TRPA1: variants seen among roughly 807,000 people sequenced by gnomAD.
TRPA1 encodes the protein transient receptor potential cation channel subfamily A member 1, also known as ankyrin-like with transmembrane domains 1.
A neutral mutation model predicts 131.3 loss-of-function variants in TRPA1; 129 were observed. The observed-to-expected ratio is 0.98, with a 90% CI of 0.85 to 1.14. The LOEUF (loss-of-function observed/expected upper bound fraction) is 1.14. Ranked by LOEUF, TRPA1 falls within the 50% of genes most tolerant of loss-of-function variation. The pLI, the probability that TRPA1 is intolerant of heterozygous loss-of-function variation, is 0.00. For synonymous variants in TRPA1, 441 were observed against 451.7 expected, an observed-to-expected ratio of 0.98 and a Z score of 0.30; for missense variants, 1,304 against 1,354.2, an observed-to-expected ratio of 0.96 and a Z score of 0.58.
rs993165516 is a variant in TRPA1, at chr8:72,075,569, C to G, written c.-160G>C. On this transcript the variant is annotated 5_prime_UTR_variant, in exon 1 of 27. Coordinates refer to ENST00000262209, the MANE Select transcript of TRPA1 (RefSeq NM_007332.3). ...AGCGAAAAAGTCGCTCTGCGGAAGCCCTGGAGAACTTCTGGAAGGAGTTCT... is the reference window on the plus strand; with the variant it reads ...AGCGAAAAAGTCGCTCTGCGGAAGCGCTGGAGAACTTCTGGAAGGAGTTCT... The G allele has an allele frequency of 9.1e-6, 6 of 660,482 alleles. No homozygotes were observed. Among genetic ancestry groups the G allele is most frequent in the Admixed American group, 4.7e-5 (2 of 42,152 alleles). 40.9% of individuals were successfully genotyped at this position (660,482 alleles called of 1,614,324 possible). A position where few individuals can be genotyped will look rare whatever the true frequency, so the allele number is the denominator to read the frequency against.
chr8:72,068,468 T>C (rs1805980960), intron 3 of TRPA1, among the ~76,000 whole-genome samples: 1 of 142,942 alleles, frequency 7.0e-6, no homozygotes, highest in South Asian at 2.3e-4. Flanking sequence ...GGTATCCTTA[T>C]GTCTTCTGCT....
chr8:72,038,644 A>C, intron 19 of TRPA1: 1 of 496,738 alleles, frequency 2.0e-6, no homozygotes, highest in Non-Finnish European at 3.6e-6. Flanking sequence ...ACACATGTCA[A>C]TTCTTTTTAA....
chr8:72,071,641 C>T, intron 2 of TRPA1, 70 bp downstream of exon 2: 1 of 1,555,774 alleles, frequency 6.4e-7, no homozygotes, highest in Non-Finnish European at 8.8e-7. Context: ...AAAATCACTT[C>T]CTTCCATTCT....
chr8:72,039,375 C>T (rs1812168725), intron 18 of TRPA1, among the ~76,000 whole-genome samples: 1 of 151,882 alleles, frequency 6.6e-6, no homozygotes, highest in Non-Finnish European at 1.5e-5. Context: ...CCTTTCCATG[C>T]CCCCAAATAT....
chr8:72,054,160 T>A, intron 12 of TRPA1: 1 of 401,756 alleles, frequency 2.5e-6, no homozygotes, highest in African/African-American at 2.0e-5. Context: ...GCTTAGCATG[T>A]CTGTGTCATA....
chr8:72,067,026 G>A (rs2009826), intron 3 of TRPA1, among the ~76,000 whole-genome samples: 104,397 of 152,022 alleles, frequency 0.69, 36,817 homozygotes, highest in East Asian at 0.98. Context: ...ACCACCCCCT[G>A]ATCCCCAGGC....
chr8:72,068,818 G>A (rs1418835361), intron 3 of TRPA1, among the ~76,000 whole-genome samples: 9 of 152,060 alleles, frequency 5.9e-5, no homozygotes, highest in East Asian at 3.9e-4. Flanking sequence ...GAAAATGCCC[G>A]GTAAATAAGA....
chr8:72,046,632 A>T (rs181920534), intron 16 of TRPA1, 24 bp from the exon 17 acceptor site: 13,923 of 1,297,768 alleles, frequency 0.011, 104 homozygotes, highest in Non-Finnish European at 0.013. Flanking sequence ...AATTTTTTTT[A>T]AAAAAATGTA....
At chr8:72,068,647 T>G (rs1805985381) in intron 3 of TRPA1, among the ~76,000 whole-genome samples, 1 of 152,188 alleles carries the variant, frequency 6.6e-6, no homozygotes, top group Non-Finnish European at 1.5e-5. Flanking sequence ...CAAAATTCCT[T>G]AGTCTTGCAT....
At chr8:72,031,999 C>G (rs1331192542) in intron 23 of TRPA1, among the ~76,000 whole-genome samples, 1 of 152,144 alleles carries the variant, frequency 6.6e-6, no homozygotes, top group Admixed American at 6.5e-5. Flanking sequence ...AATCTTAGAG[C>G]TAACCCATGG....
intron 25 of TRPA1, among the ~76,000 whole-genome samples, chr8:72,024,784 T>G (rs1316225777): frequency 6.6e-6 from 1 of 152,140 alleles, no homozygotes; most frequent in Non-Finnish European, 1.5e-5. Flanking sequence ...AGAAATCAGT[T>G]GCTGAGCATT....
In TRPA1 at chr8:72,036,307, A is replaced by C; in HGVS notation, c.2536T>G (p.Phe846Val). Residue 846 changes from phenylalanine (F) to valine (V), a missense_variant, in exon 21 of 27, where the codon TTC becomes GTC. By Grantham distance (50) the Phe-to-Val change is conservative. Coordinates refer to ENST00000262209, the MANE Select transcript of TRPA1 (RefSeq NM_007332.3). Reference sequence around the variant, plus strand: ...TTTTACCTTTGAAGATACAATAAGAAATTCATCCAATAGAAGTAAACAGCA... The same window carrying C: ...TTTTACCTTTGAAGATACAATAAGACATTCATCCAATAGAAGTAAACAGCA... ...AIAVYFYWMN[F>V]LLYLQRFENC... 6.2e-7 allele frequency: 1 copy of C among 1,614,146 alleles called. No homozygotes were observed. Among genetic ancestry groups the C allele is most frequent in the Non-Finnish European group, 8.5e-7 (1 of 1,180,000 alleles).
chr8:72,073,459 A>T (rs1265511402), intron 1 of TRPA1, among the ~76,000 whole-genome samples: 2 of 152,226 alleles, frequency 1.3e-5, no homozygotes, highest in Non-Finnish European at 2.9e-5. Context: ...ATTAGGAAAC[A>T]ACCAAAAACC....
At chr8:72,040,906 CT>C (rs1328597122) in intron 17 of TRPA1, among the ~76,000 whole-genome samples, 6 of 152,054 alleles carry the variant, frequency 3.9e-5, no homozygotes, top group African/African-American at 1.4e-4. Flanking sequence ...TGGTTAATCT[CT>C]CCTATTAAAA....
chr8:72,073,013 T>C (rs1380528898), intron 1 of TRPA1, among the ~76,000 whole-genome samples: 2 of 152,236 alleles, frequency 1.3e-5, no homozygotes, highest in Non-Finnish European at 2.9e-5. Context: ...GGATGTCATT[T>C]AGACAAAATA....
chr8:72,059,987 T>C (rs925929153), intron 7 of TRPA1, among the ~76,000 whole-genome samples: 1 of 152,144 alleles, frequency 6.6e-6, no homozygotes, highest in African/African-American at 2.4e-5. Context: ...CCATAACAAA[T>C]GTTAATACTA....
the TRPA1 span, among the ~76,000 whole-genome samples, chr8:72,082,232 A>G: frequency 6.6e-6 from 1 of 151,958 alleles, no homozygotes; most frequent in Non-Finnish European, 1.5e-5. Flanking sequence ...AACTATGGCA[A>G]TGTTCCTCCA....
chr8:72,026,244 G>T (rs757895577), intron 24 of TRPA1, among the ~76,000 whole-genome samples, 171 bp from the exon 25 acceptor site: 20 of 152,218 alleles, frequency 1.3e-4, no homozygotes, highest in Non-Finnish European at 2.5e-4. Flanking sequence ...ACAGTCACCT[G>T]CCCCTTCCTC....
In TRPA1 at chr8:72,054,038, A is replaced by G. The variant is rs1487806579; in HGVS notation, c.1530-171T>C. The G allele has an allele frequency of 1.1e-5, 7 of 617,024 alleles. No individual in the cohort carries two copies. The Admixed American group carries it at 1.3e-4, about 11-fold the overall frequency. The allele number at this position is 617,024 out of a possible 1,614,324, so 38.2% of individuals were successfully genotyped here. A position where few individuals can be genotyped will look rare whatever the true frequency, so the allele number is the denominator to read the frequency against. On this transcript the variant is annotated intron_variant, in intron 12 of 26. Transcript: ENST00000262209. The stretch of plus-strand genomic sequence containing the variant: ...AATAAATGAGCTAATTCCAAGCTCA[A>G]TGATCTTAAATGACCTATTTCTAAT...
Sources: gnomAD v4.1 joint callset for allele counts (sites outside exome capture counted in the v4.1 genomes callset) on GRCh38, gnomAD v4.1.1 for gene constraint, MANE v1.5 for transcripts, NCBI Gene and HGNC (gene_info 2026-07-23, HGNC 2026-07-21) for gene names.